The following DPP10 variants were observed in gnomAD, a reference collection of about 807,000 sequenced individuals.
DPP10 encodes the protein dipeptidyl peptidase like 10.
Under a neutral mutation model 120.9 loss-of-function variants are expected in DPP10, and 33 were observed. The observed-to-expected ratio is 0.27, with a 90% CI of 0.21 to 0.37. The LOEUF (loss-of-function observed/expected upper bound fraction) is 0.37. DPP10 is among the 10% of genes least tolerant of loss of function. The pLI is 1.00. For synonymous variants in DPP10, 337 were observed against 326.1 expected (o/e 1.03, Z -0.36); for missense variants, 816 against 942.8 (o/e 0.87, Z 1.76).
intron 5 of DPP10, among the ~76,000 whole-genome samples, chr2:115,596,716 T>TTCC (rs2083011404): frequency 2.0e-5 from 3 of 152,100 alleles, no homozygotes; most frequent in Admixed American, 6.6e-5. Flanking sequence ...CATCATCTGC[T>TTCC]CAAACCACGG....
At chr2:115,287,484 T>G (rs1433639879) in intron 1 of DPP10, among the ~76,000 whole-genome samples, 2 of 152,092 alleles carry the variant, frequency 1.3e-5, no homozygotes, top group African/African-American at 4.8e-5. Context: ...TTCATTATAC[T>G]ACTATGTCTG....
At chr2:114,812,517 G>A (rs1468375351) in intron 1 of DPP10, among the ~76,000 whole-genome samples, 2 of 151,452 alleles carry the variant, frequency 1.3e-5, no homozygotes, top group African/African-American at 4.9e-5. Flanking sequence ...GAGCCTAGGA[G>A]TTTGAGACTG....
intron 1 of DPP10, among the ~76,000 whole-genome samples, chr2:114,906,796 G>T (rs1201424412): frequency 1.3e-5 from 2 of 152,078 alleles, no homozygotes; most frequent in African/African-American, 4.8e-5. Context: ...ATGAAAAAGA[G>T]ATATTTATCT....
At chr2:114,447,494 G>A (rs1678011539) in intron 1 of DPP10, among the ~76,000 whole-genome samples, 1 of 152,270 alleles carries the variant, frequency 6.6e-6, no homozygotes. Context: ...ATTGCAATAT[G>A]CAAAATGGAA....
intron 5 of DPP10, among the ~76,000 whole-genome samples, chr2:115,639,759 G>A (rs2086632023): frequency 6.6e-6 from 1 of 151,992 alleles, no homozygotes; most frequent in Admixed American, 6.6e-5. Flanking sequence ...CTAGGGTTTT[G>A]ATTCAGGAAT....
At chr2:114,993,938 G>A (rs967292611) in intron 1 of DPP10, among the ~76,000 whole-genome samples, 14 of 152,024 alleles carry the variant, frequency 9.2e-5, no homozygotes, top group Admixed American at 5.9e-4. Flanking sequence ...TAGCCTTTCC[G>A]TCATCTCCAT....
At chr2:114,857,238 C>A (rs1689444544) in intron 1 of DPP10, among the ~76,000 whole-genome samples, 1 of 152,140 alleles carries the variant, frequency 6.6e-6, no homozygotes. Flanking sequence ...CTATATAAAA[C>A]CATAACATCC....
chr2:115,533,342 TTAG>T (rs1258962833), intron 5 of DPP10, among the ~76,000 whole-genome samples: 2 of 152,098 alleles, frequency 1.3e-5, no homozygotes, highest in African/African-American at 4.8e-5. Flanking sequence ...ATCTGCTATG[TTAG>T]TAGTATCTGT....
chr2:114,569,517 G>A (rs576132250), intron 1 of DPP10, among the ~76,000 whole-genome samples: 5 of 152,184 alleles, frequency 3.3e-5, no homozygotes, highest in East Asian at 1.9e-4. Flanking sequence ...GCAAGGACCC[G>A]GCAGACTGAT....
At chr2:114,460,916 A>G (rs1678874869) in intron 1 of DPP10, among the ~76,000 whole-genome samples, 1 of 152,204 alleles carries the variant, frequency 6.6e-6, no homozygotes. Context: ...TGTAGATGAA[A>G]AATAACTGCC....
chr2:114,623,104 C>T (rs1329205732), intron 1 of DPP10, among the ~76,000 whole-genome samples: 4 of 152,038 alleles, frequency 2.6e-5, no homozygotes, highest in African/African-American at 9.7e-5. Flanking sequence ...GAGCCCAAAT[C>T]CCTTGCACTA....
At chr2:115,259,360 C>T (rs769459605) in intron 1 of DPP10, among the ~76,000 whole-genome samples, 11 of 151,742 alleles carry the variant, frequency 7.2e-5, no homozygotes, top group Non-Finnish European at 1.3e-4. Flanking sequence ...GGCACATGCC[C>T]GTAATCCCAG....
At chr2:115,723,496 T>G (rs1268288523) in intron 7 of DPP10, among the ~76,000 whole-genome samples, 1 of 152,160 alleles carries the variant, frequency 6.6e-6, no homozygotes, top group East Asian at 1.9e-4. Flanking sequence ...TTATGATGAG[T>G]TTTCATCTTG....
At chr2:114,932,464 C>A (rs1021610810) in intron 1 of DPP10, among the ~76,000 whole-genome samples, 1 of 152,034 alleles carries the variant, frequency 6.6e-6, no homozygotes, top group African/African-American at 2.4e-5. Flanking sequence ...ATGGCACAAC[C>A]CTAAAAAGAA....
intron 1 of DPP10, among the ~76,000 whole-genome samples, chr2:114,537,101 C>T (rs191066932): frequency 2.2e-4 from 33 of 152,254 alleles, no homozygotes; most frequent in Non-Finnish European, 4.1e-4. Context: ...CTTCTCCTCC[C>T]ACCACCTAAA....
At chr2:114,776,861 G>T (rs1003209014) in intron 1 of DPP10, among the ~76,000 whole-genome samples, 4 of 151,746 alleles carry the variant, frequency 2.6e-5, no homozygotes, top group Non-Finnish European at 5.9e-5. Context: ...GTTTTGAAAA[G>T]GAAATCAAAT....
At chr2:115,249,299 G>A (rs1462934328) in intron 1 of DPP10, among the ~76,000 whole-genome samples, 2 of 152,036 alleles carry the variant, frequency 1.3e-5, no homozygotes, top group Non-Finnish European at 2.9e-5. Context: ...CATATATAGC[G>A]ATTAGGAAAA....
chr2:115,123,829 G>A (rs976380701), intron 1 of DPP10, among the ~76,000 whole-genome samples: 1 of 151,958 alleles, frequency 6.6e-6, no homozygotes, highest in Non-Finnish European at 1.5e-5. Context: ...GTTAATAGAC[G>A]TTTGCCCCAA....
In DPP10 at chr2:114,914,850, G is replaced by C. The variant is rs572261859; in HGVS notation, c.61-394389G>C. ...CCATAGGCTCCAAATAAAGAAATGG[G>C]GCCGGGCGCGGTGGCTCACGCCTGT... is the stretch of plus-strand genomic sequence containing the variant. On this transcript the variant is annotated intron_variant, in intron 1 of 25. Coordinates refer to ENST00000410059, the MANE Select transcript of DPP10 (RefSeq NM_020868.6). Among the ~76,000 whole-genome samples, 8 of 152,312 alleles carry C rather than the reference G, an allele frequency of 5.3e-5. No individual in the cohort carries two copies. In the South Asian group the frequency reaches 1.7e-3, roughly 32 times the overall value.
Sources: gnomAD v4.1 joint callset for allele counts (sites outside exome capture counted in the v4.1 genomes callset) on GRCh38, gnomAD v4.1.1 for gene constraint, MANE v1.5 for transcripts, NCBI Gene and HGNC (gene_info 2026-07-23, HGNC 2026-07-21) for gene names.